The following PACRG variants were observed in gnomAD, a reference collection of about 807,000 sequenced individuals.
PACRG encodes parkin coregulated gene protein.
A neutral mutation model predicts 29.7 loss-of-function variants in PACRG; 29 were observed. The observed-to-expected ratio is 0.98, with a 90% CI of 0.73 to 1.33. The LOEUF is 1.33. Ranked by LOEUF, PACRG falls within the 40% of genes most tolerant of loss-of-function variation. The pLI is 0.00. For synonymous variants in PACRG, 116 were observed against 118.7 expected (o/e 0.98, Z 0.15); for missense variants, 279 against 316.2 (o/e 0.88, Z 0.89).
At chr6:163,109,606 T>C (rs1267537165) in intron 4 of PACRG, among the ~76,000 whole-genome samples, 1 of 152,208 alleles carries the variant, frequency 6.6e-6, no homozygotes, top group African/African-American at 2.4e-5. Flanking sequence ...TAGAGCATTT[T>C]AGTAGGAAAG....
At chr6:163,198,310 A>T (rs1161321787) in intron 4 of PACRG, among the ~76,000 whole-genome samples, 2 of 141,316 alleles carry the variant, frequency 1.4e-5, no homozygotes, top group African/African-American at 6.3e-5. Context: ...AAAAATATTC[A>T]GAGTTTGATT....
Position 163,062,132 on chromosome 6 carries a change from T to C in PACRG, c.292-18T>C, listed in dbSNP as rs201248204. 1.4e-4 allele frequency: 221 copies of C among 1,612,778 alleles called. 1 individual carries two copies. The East Asian group carries it at 4.0e-3, about 29-fold the overall frequency. ...GAATGCTGTTTTCACATGGCGTCTC[T>C]TCTTTCTTTACTTTCAGGTAGAAAT... On this transcript the variant is annotated intron_variant, in intron 2 of 4. Coordinates refer to ENST00000366888, the MANE Select transcript of PACRG (RefSeq NM_001080379.2).
At chr6:163,113,095 C>A (rs140532756) in intron 4 of PACRG, among the ~76,000 whole-genome samples, 1 of 151,994 alleles carries the variant, frequency 6.6e-6, no homozygotes, top group Non-Finnish European at 1.5e-5. Context: ...CTAAAAAGGA[C>A]GGTAACTGAG....
At chr6:163,117,840 G>T (rs1342211924) in intron 4 of PACRG, among the ~76,000 whole-genome samples, 1 of 152,130 alleles carries the variant, frequency 6.6e-6, no homozygotes, top group Non-Finnish European at 1.5e-5. Flanking sequence ...CTGTTCAGCT[G>T]GGTAGAAGAA....
In PACRG at chr6:163,298,621, G is replaced by A. The variant is rs1375661585; in HGVS notation, c.614-16206G>A. Reference sequence around the variant, plus strand: ...TGATTGCATCACTCACAAAAATTGTGCAAATCTGGAGGTAGACTTAATGTC... The same window carrying A: ...TGATTGCATCACTCACAAAAATTGTACAAATCTGGAGGTAGACTTAATGTC... On this transcript the variant is annotated intron_variant, in intron 4 of 4. Transcript: ENST00000366888. Among the ~76,000 whole-genome samples the A allele has an allele frequency of 3.9e-5, 6 of 152,196 alleles. No homozygotes were observed. The South Asian group carries it at 8.3e-4, about 21-fold the overall frequency.
At chr6:162,794,597 A>T (rs947558724) in intron 1 of PACRG, among the ~76,000 whole-genome samples, 2 of 152,160 alleles carry the variant, frequency 1.3e-5, no homozygotes, top group Non-Finnish European at 2.9e-5. Context: ...TCTTTTAATC[A>T]CACAGAATTG....
In PACRG at chr6:162,745,428, A is replaced by C. The variant is rs575528659; in HGVS notation, c.156+17037A>C. Among the ~76,000 whole-genome samples, 8 of 152,280 alleles carry C rather than the reference A, an allele frequency of 5.3e-5. No homozygotes were observed. The South Asian group carries it at 1.7e-3, about 32-fold the overall frequency. ...AGGGAGAGCATCAGGACAAATAGCTAATGCATACGGGGCTTAAAATCTAGA... is the reference window on the plus strand; with the variant it reads ...AGGGAGAGCATCAGGACAAATAGCTCATGCATACGGGGCTTAAAATCTAGA... On this transcript the variant is annotated intron_variant, in intron 1 of 4. Transcript: ENST00000366888.
At chr6:163,313,630 A>G (rs1785526653) in intron 4 of PACRG, 1 of 152,226 alleles carries the variant, frequency 6.6e-6, no homozygotes, top group Admixed American at 6.5e-5. Flanking sequence ...TACACTTGAA[A>G]TATGAATAAA....
At chr6:162,959,420 C>T (rs1432881250) in intron 2 of PACRG, among the ~76,000 whole-genome samples, 1 of 151,870 alleles carries the variant, frequency 6.6e-6, no homozygotes, top group Non-Finnish European at 1.5e-5. Context: ...GGAGACCTGC[C>T]GTGCATGGAG....
chr6:163,057,659 A>G (rs969652519), intron 2 of PACRG, among the ~76,000 whole-genome samples: 1 of 152,158 alleles, frequency 6.6e-6, no homozygotes, highest in Non-Finnish European at 1.5e-5. Context: ...CTTTGCTGGA[A>G]CTTTTATGAG....
chr6:163,248,900 A>G (rs1384605242), intron 4 of PACRG, among the ~76,000 whole-genome samples: 3 of 151,624 alleles, frequency 2.0e-5, no homozygotes, highest in Non-Finnish European at 4.4e-5. Flanking sequence ...GTCTGTTGGG[A>G]CACTACTCGG....
intron 2 of PACRG, among the ~76,000 whole-genome samples, chr6:162,875,915 T>C (rs542511216): frequency 1.7e-4 from 26 of 152,340 alleles, no homozygotes; most frequent in South Asian, 4.1e-4. Flanking sequence ...GAGCTTGAAC[T>C]CATGTGTCTA....
chr6:163,067,443 G>A (rs1811655738), intron 3 of PACRG, among the ~76,000 whole-genome samples: 1 of 152,228 alleles, frequency 6.6e-6, no homozygotes, highest in Non-Finnish European at 1.5e-5. Flanking sequence ...TAATGTGCAT[G>A]ATTAGAGAAA....
At position 162,979,358 on chromosome 6, in the gene PACRG, C is replaced by T. The variant is rs1381844949; in HGVS notation, c.292-82792C>T. Among the ~76,000 whole-genome samples, 4 of 152,142 alleles carry T rather than the reference C, an allele frequency of 2.6e-5. 1 individual carries two copies. Among genetic ancestry groups the T allele is most frequent in the Admixed American group, 2.6e-4 (4 of 15,260 alleles). On this transcript the variant is annotated intron_variant, in intron 2 of 4. Coordinates refer to ENST00000366888, the MANE Select transcript of PACRG (RefSeq NM_001080379.2). The stretch of plus-strand genomic sequence containing the variant: ...TGAAGAAGTCTATTTGGATCTTTTG[C>T]CCATTTCTTTATTGGATTATTTTTC...
At chr6:162,975,146 C>T (rs1801843522) in intron 2 of PACRG, among the ~76,000 whole-genome samples, 1 of 152,122 alleles carries the variant, frequency 6.6e-6, no homozygotes, top group African/African-American at 2.4e-5. Flanking sequence ...ACCAAGGTAT[C>T]CAGACAGGAA....
chr6:163,296,322 G>C (rs1234528095), intron 4 of PACRG, among the ~76,000 whole-genome samples: 1 of 151,670 alleles, frequency 6.6e-6, no homozygotes, highest in Non-Finnish European at 1.5e-5. Context: ...ACGGAATCTC[G>C]CCCTGTCGCC....
intron 4 of PACRG, among the ~76,000 whole-genome samples, chr6:163,299,112 A>C (rs145318975): frequency 6.6e-6 from 1 of 152,168 alleles, no homozygotes; most frequent in Non-Finnish European, 1.5e-5. Flanking sequence ...CCAATAATCT[A>C]TCCTCAGCTG....
At chr6:162,889,571 G>T (rs9456817) in intron 2 of PACRG, among the ~76,000 whole-genome samples, 24,986 of 152,138 alleles carry the variant, frequency 0.16, 2,154 homozygotes, top group Middle Eastern at 0.2. Flanking sequence ...TAAAGTCAGA[G>T]TAAACCAATA....
At chr6:163,011,634 A>G (rs59793419) in intron 2 of PACRG, among the ~76,000 whole-genome samples, 3 of 152,124 alleles carry the variant, frequency 2.0e-5, no homozygotes, top group South Asian at 4.1e-4. Flanking sequence ...TCTTCAGTAA[A>G]AAATTAACCT....
Sources: gnomAD v4.1 joint callset for allele counts (sites outside exome capture counted in the v4.1 genomes callset) on GRCh38, gnomAD v4.1.1 for gene constraint, MANE v1.5 for transcripts, NCBI Gene and HGNC (gene_info 2026-07-23, HGNC 2026-07-21) for gene names.